The following FDPS variants were observed in gnomAD, a reference collection of about 807,000 sequenced individuals.
FDPS encodes the protein farnesyl diphosphate synthase.
In FDPS, 29 loss-of-function variants were observed where a neutral mutation model predicts 49.5. That is an observed-to-expected ratio of 0.59 (90% CI 0.44 to 0.80). The LOEUF (loss-of-function observed/expected upper bound fraction) is 0.80, where lower values mean the gene tolerates loss of function less well. Ranked by LOEUF, FDPS falls within the 30% of genes least tolerant of loss-of-function variation. The probability of loss-of-function intolerance (pLI) is 0.00; values close to 1 mark genes in which losing one functional copy is unlikely to be tolerated. For missense variants in FDPS, 414 were observed against 525.6 expected (o/e 0.79, Z 2.08); for synonymous variants, 172 against 206.4 (o/e 0.83, Z 1.43).
chr1:155,320,056 T>C lies in FDPS; in HGVS notation c.1059+128T>C. 6 of 1,114,934 alleles carry C rather than the reference T, an allele frequency of 5.4e-6. No individual in the cohort carries two copies. The South Asian group carries it at 8.8e-5, about 16-fold the overall frequency. The allele number at this position is 1,114,934 out of a possible 1,614,324, so 69.1% of individuals were successfully genotyped here. On this transcript the variant is annotated intron_variant, in intron 10 of 10. Coordinates refer to ENST00000368356, the MANE Select transcript of FDPS (RefSeq NM_002004.4). ...CAGCAGACATTTTTTGCCATTGTCA[T>C]TACAACTCTGTGTGTGTGCATGTGG...
rs397973300 is a variant in FDPS, at chr1:155,313,826, A to AT, written c.480+1441dup. Among the ~76,000 whole-genome samples, 1,470 of 149,284 alleles carry AT rather than the reference A, an allele frequency of 9.8e-3. 24 individuals are homozygous for AT. The highest frequency in any genetic ancestry group is 0.033 in the African/African-American group (1,334 of 40,722). On this transcript the variant is annotated intron_variant, in intron 4 of 10. Transcript: ENST00000368356. ...AGTGGTTAACTGGTAGAATCAGTTC[A>AT]TTTTTTTTTTGAGATGGAGTCTCTC...
At chr1:155,309,039 A>C (rs1648503109) in intron 1 of FDPS, 74 bp downstream of exon 1, 1 of 152,366 alleles carries the variant, frequency 6.6e-6, no homozygotes, top group Non-Finnish European at 1.5e-5. Flanking sequence ...CGATACTGTG[A>C]GGCATCGGAA....
intron 4 of FDPS, 58 bp downstream of exon 4, chr1:155,312,453 G>A (rs1310048441): frequency 2.9e-5 from 39 of 1,340,802 alleles, no homozygotes; most frequent in Non-Finnish European, 4.0e-5. Flanking sequence ...ACTTGGGTGG[G>A]AAGGGGAGGG....
Position 155,318,205 on chromosome 1 carries a change from C to G in FDPS, c.598C>G (p.Leu200Val). 6.2e-7 allele frequency: 1 copy of G among 1,614,056 alleles called. No individual in the cohort carries two copies. Among genetic ancestry groups the G allele is most frequent in the Non-Finnish European group, 8.5e-7 (1 of 1,179,982 alleles). ...VGLDAINDAN[L>V]LEACIYRLLK... is the part of the protein sequence containing the mutation. ...TTTGGATGCCATCAATGATGCTAAC[C>G]TCCTGGAAGCATGTATCTACCGCCT... Residue 200 changes from leucine (L) to valine (V), a missense_variant, in exon 6 of 11, where the codon CTC becomes GTC. Leu to Val is a conservative substitution (Grantham distance 32). Coordinates refer to ENST00000368356, the MANE Select transcript of FDPS (RefSeq NM_002004.4). This position sits in a 1 kb window ranked among gnomAD's most constrained non-coding sequence, Gnocchi z 4.2.
At chr1:155,314,751 C>G (rs1221012512) in intron 4 of FDPS, among the ~76,000 whole-genome samples, 1 of 151,216 alleles carries the variant, frequency 6.6e-6, no homozygotes, top group Non-Finnish European at 1.5e-5. Flanking sequence ...ACTGGGATAA[C>G]AGGTGTGAGC....
intron 9 of FDPS, 36 bp downstream of exon 9, chr1:155,319,724 C>G (rs372588531): frequency 6.2e-7 from 1 of 1,613,974 alleles, no homozygotes; most frequent in Non-Finnish European, 8.5e-7. Flanking sequence ...AGAACAGGCA[C>G]CAGCTTCACT....
At chr1:155,310,750 G>A (rs1648717410) in intron 3 of FDPS, among the ~76,000 whole-genome samples, 1 of 152,126 alleles carries the variant, frequency 6.6e-6, no homozygotes, top group South Asian at 2.1e-4. Context: ...TGGGGGTGGA[G>A]GCCTTGAACC....
chr1:155,320,332 T>G, intron 10 of FDPS, 77 bp from the exon 11 acceptor site: 1 of 1,195,318 alleles, frequency 8.4e-7, no homozygotes, highest in Non-Finnish European at 1.2e-6. Flanking sequence ...CTGGAATATG[T>G]GAATGAGGGG....
chr1:155,312,760 A>G (rs1648933589), intron 4 of FDPS: 3 of 186,510 alleles, frequency 1.6e-5, no homozygotes, highest in African/African-American at 2.3e-5. Context: ...GGGGAGGATC[A>G]TCTGAGTTCT....
At chr1:155,319,965 G>A in intron 10 of FDPS, 37 bp downstream of exon 10, 1 of 1,610,206 alleles carries the variant, frequency 6.2e-7, no homozygotes, top group African/African-American at 1.3e-5. Context: ...TGAGTTGGTG[G>A]AAAGGGATAG....
intron 8 of FDPS, 150 bp from the exon 9 acceptor site, chr1:155,319,461 A>G: frequency 1.3e-6 from 1 of 755,952 alleles, no homozygotes; most frequent in Non-Finnish European, 2.2e-6. Flanking sequence ...TTGGACCATC[A>G]GTCAGGACTG....
intron 8 of FDPS, among the ~76,000 whole-genome samples, chr1:155,319,278 A>G (rs1649933077): frequency 6.6e-6 from 1 of 152,200 alleles, no homozygotes; most frequent in Non-Finnish European, 1.5e-5. Context: ...GCTTCTCTAC[A>G]TTTCCTTTTC....
At chr1:155,312,199 T>G in intron 3 of FDPS, 56 bp from the exon 4 acceptor site, 1 of 1,597,030 alleles carries the variant, frequency 6.3e-7, no homozygotes. Context: ...AGGAGAAAAC[T>G]CACAGTAGCT....
chr1:155,319,703 G>A lies in FDPS; in HGVS notation c.924+15G>A. On this transcript the variant is annotated intron_variant, in intron 9 of 10. Coordinates refer to ENST00000368356, the MANE Select transcript of FDPS (RefSeq NM_002004.4). ...TTCAGATTCAGGTAAGAAGGCAGGAGGCAGTAGCAGAGAACAGGCACCAGC... is the reference window on the plus strand; with the variant it reads ...TTCAGATTCAGGTAAGAAGGCAGGAAGCAGTAGCAGAGAACAGGCACCAGC... 1.2e-6 allele frequency: 2 copies of A among 1,614,208 alleles called. No individual in the cohort carries two copies. Among genetic ancestry groups the A allele is most frequent in the Non-Finnish European group, 1.7e-6 (2 of 1,180,018 alleles).
Position 155,318,177 on chromosome 1 carries a change from G to C in FDPS, c.570G>C (p.Val190=). 1 of 1,614,082 alleles carries C rather than the reference G, an allele frequency of 6.2e-7. No homozygotes were observed. The highest frequency in any genetic ancestry group is 8.5e-7 in the Non-Finnish European group (1 of 1,179,998). The change falls in exon 6 of 11, where the codon GTG becomes GTC. Residue 190 remains valine, a synonymous_variant. Transcript: ENST00000368356. The surrounding 1 kb of genome is among the most constrained non-coding windows in gnomAD (Gnocchi z 4.2). Reference sequence around the variant, plus strand: ...TCTGTCTGTCATGACAGCCGGGCGTGGGTTTGGATGCCATCAATGATGCTA... The same window carrying C: ...TCTGTCTGTCATGACAGCCGGGCGTCGGTTTGGATGCCATCAATGATGCTA... ...GQICWYQKPG[V]GLDAINDANL... is the part of the protein sequence containing the mutation.
intron 4 of FDPS, among the ~76,000 whole-genome samples, chr1:155,316,706 G>A (rs1033819434): frequency 9.9e-5 from 15 of 151,656 alleles, no homozygotes; most frequent in East Asian, 1.9e-4. Flanking sequence ...CAGGAGAATC[G>A]CTTGAATTTG....
Position 155,320,473 on chromosome 1 carries a change from A to C in FDPS, c.1124A>C (p.Asp375Ala). ...ARVKALYEEL[D>A]LPAVFLQYEE... ...GTGAAGGCGCTATATGAGGAGCTGG[A>C]TCTGCCAGCAGTGTTCTTGCAATAT... Residue 375 changes from aspartate to alanine, a missense_variant, in exon 11 of 11, where the codon GAT (aspartate) becomes GCT (alanine). Physicochemically the swap from Asp to Ala is moderately radical, Grantham distance 126. Coordinates refer to ENST00000368356, the MANE Select transcript of FDPS (RefSeq NM_002004.4). 6.2e-7 allele frequency: 1 copy of C among 1,613,928 alleles called. No individual in the cohort carries two copies.
chr1:155,318,761 G>A lies in FDPS; in HGVS notation c.773+8G>A, dbSNP rs1448175927. 6.2e-7 allele frequency: 1 copy of A among 1,609,668 alleles called. No individual in the cohort carries two copies. Among genetic ancestry groups the A allele is most frequent in the African/African-American group, 1.3e-5 (1 of 74,834 alleles). On this transcript the variant is annotated splice_region_variant and intron_variant, in intron 7 of 10. Transcript: ENST00000368356. This position sits in a 1 kb window ranked among gnomAD's most constrained non-coding sequence, Gnocchi z 4.2. Reference sequence around the variant, plus strand: ...CAGATTCACTGAAAAGAGGTGAGGGGAGGTGAGGGACAGCGCGAACCATGT... The same window carrying A: ...CAGATTCACTGAAAAGAGGTGAGGGAAGGTGAGGGACAGCGCGAACCATGT...
At chr1:155,310,236 C>A in intron 3 of FDPS, 31 bp downstream of exon 3, 1 of 1,610,224 alleles carries the variant, frequency 6.2e-7, no homozygotes, top group South Asian at 1.1e-5. Flanking sequence ...GGGAGTAAGG[C>A]TTTGGTTCAG....
Sources: allele counts gnomAD v4.1 joint callset (sites outside exome capture counted in the v4.1 genomes callset), GRCh38; gene constraint gnomAD v4.1.1; non-coding constraint Gnocchi (gnomAD v3.1); transcripts MANE v1.5; gene names NCBI Gene and HGNC (gene_info 2026-07-23, HGNC 2026-07-21).